The following MEIKIN variants were observed in gnomAD, a reference collection of about 807,000 sequenced individuals.
The protein encoded by MEIKIN is meiosis-specific kinetochore protein.
At chr5:131,820,636 C>T (rs1261062044) in intron 11 of MEIKIN, among the ~76,000 whole-genome samples, 1 of 152,154 alleles carries the variant, frequency 6.6e-6, no homozygotes, top group Admixed American at 6.5e-5. Context: ...AATTCAGTAG[C>T]AAAGCCATGA....
intron 9 of MEIKIN, among the ~76,000 whole-genome samples, chr5:131,877,202 T>A (rs1050711573): frequency 6.6e-6 from 1 of 152,104 alleles, no homozygotes; most frequent in African/African-American, 2.4e-5. Context: ...GAATTTTTTT[T>A]AATGATTAAA....
chr5:131,895,036 T>C (rs1751010105), intron 8 of MEIKIN, among the ~76,000 whole-genome samples: 1 of 152,016 alleles, frequency 6.6e-6, no homozygotes, highest in Non-Finnish European at 1.5e-5. Flanking sequence ...GGCTGTAGGT[T>C]TGTCATAAAT....
At chr5:131,938,210 A>C (rs568230175) in intron 4 of MEIKIN, among the ~76,000 whole-genome samples, 1 of 131,896 alleles carries the variant, frequency 7.6e-6, no homozygotes, top group South Asian at 2.4e-4. Context: ...TCTCTCACCT[A>C]GGCTAGAGTG....
chr5:131,904,575 C>T (rs189335832), intron 8 of MEIKIN, among the ~76,000 whole-genome samples: 17 of 152,318 alleles, frequency 1.1e-4, no homozygotes, highest in Admixed American at 9.8e-4. Flanking sequence ...GTATTAAAGA[C>T]AGTGTGGCGA....
chr5:131,870,356 T>C (rs1750465714), intron 9 of MEIKIN, among the ~76,000 whole-genome samples: 1 of 152,200 alleles, frequency 6.6e-6, no homozygotes, highest in South Asian at 2.1e-4. Flanking sequence ...TTGATTTCTA[T>C]GATACTATGT....
chr5:131,930,575 C>A (rs1006357243), intron 5 of MEIKIN, among the ~76,000 whole-genome samples: 1 of 152,236 alleles, frequency 6.6e-6, no homozygotes, highest in African/African-American at 2.4e-5. Flanking sequence ...CTCACTAATT[C>A]TTTATTCTTC....
chr5:131,887,372 G>A (rs534601406), intron 8 of MEIKIN, among the ~76,000 whole-genome samples: 4 of 152,130 alleles, frequency 2.6e-5, no homozygotes, highest in Non-Finnish European at 5.9e-5. Context: ...GGGACCACTG[G>A]GTCAAATGGT....
intron 4 of MEIKIN, among the ~76,000 whole-genome samples, chr5:131,937,719 C>T (rs925126500): frequency 6.6e-6 from 1 of 152,112 alleles, no homozygotes; most frequent in Non-Finnish European, 1.5e-5. Flanking sequence ...CCATGTTCTA[C>T]CTTCTGGAGT....
intron 12 of MEIKIN, among the ~76,000 whole-genome samples, chr5:131,814,601 A>G (rs977014660): frequency 6.6e-6 from 1 of 152,210 alleles, no homozygotes; most frequent in African/African-American, 2.4e-5. Flanking sequence ...TCAATGGGAA[A>G]AAAAAGAAAA....
intron 8 of MEIKIN, among the ~76,000 whole-genome samples, chr5:131,886,448 A>G (rs1174639126): frequency 6.6e-6 from 1 of 152,238 alleles, no homozygotes; most frequent in African/African-American, 2.4e-5. Context: ...ATGGAGCTTC[A>G]CTAGGAGCAG....
chr5:131,898,668 A>C (rs375691903), intron 8 of MEIKIN, among the ~76,000 whole-genome samples: 6 of 152,314 alleles, frequency 3.9e-5, no homozygotes, highest in African/African-American at 1.4e-4. Flanking sequence ...CCACCCTCAC[A>C]GGTCAATCTC....
intron 8 of MEIKIN, among the ~76,000 whole-genome samples, chr5:131,881,591 C>T (rs1472449001): frequency 2.9e-4 from 44 of 152,182 alleles, no homozygotes; most frequent in Non-Finnish European, 1.2e-4. Flanking sequence ...GTTCTCCAGA[C>T]TCCTGCATCA....
intron 12 of MEIKIN, among the ~76,000 whole-genome samples, chr5:131,814,330 G>A (rs1773060871): frequency 6.7e-6 from 1 of 149,332 alleles, no homozygotes; most frequent in Non-Finnish European, 1.5e-5. Context: ...AGGCTGCAGT[G>A]CAGTGGCGTG....
At chr5:131,922,433 T>C (rs1044476222) in intron 5 of MEIKIN, among the ~76,000 whole-genome samples, 3 of 152,050 alleles carry the variant, frequency 2.0e-5, no homozygotes, top group African/African-American at 7.2e-5. Flanking sequence ...ACTATTTACA[T>C]AGCATTTACA....
intron 11 of MEIKIN, among the ~76,000 whole-genome samples, chr5:131,841,118 C>T (rs1304232003): frequency 6.6e-6 from 1 of 152,080 alleles, no homozygotes; most frequent in Admixed American, 6.6e-5. Context: ...GGGGCCAAGT[C>T]TCAGCTCCCA....
At position 131,846,864 on chromosome 5, in the gene MEIKIN, A is replaced by G. The variant is rs183950891; in HGVS notation, c.975+4400T>C. ...GTTTTAAGGCACATGATGTATAAAAATGTTAACATCATCATCTGAAAGGGG... is the reference window on the plus strand; with the variant it reads ...GTTTTAAGGCACATGATGTATAAAAGTGTTAACATCATCATCTGAAAGGGG... On this transcript the variant is annotated intron_variant, in intron 11 of 12. Transcript: ENST00000442687. Among the ~76,000 whole-genome samples the G allele has an allele frequency of 2.8e-3, 366 of 129,762 alleles. 2 individuals are homozygous for G. Among genetic ancestry groups the G allele is most frequent in the South Asian group, 4.8e-3 (18 of 3,780 alleles). 85.1% of individuals were successfully genotyped at this position (129,762 alleles called of 152,430 possible). A position where few individuals can be genotyped will look rare whatever the true frequency, so the allele number is the denominator to read the frequency against.
intron 8 of MEIKIN, among the ~76,000 whole-genome samples, chr5:131,893,634 C>G (rs1750979431): frequency 6.6e-6 from 1 of 152,210 alleles, no homozygotes; most frequent in African/African-American, 2.4e-5. Flanking sequence ...GTGAGATGAA[C>G]CCGGTACCTC....
chr5:131,940,571 T>C (rs1023469086), intron 4 of MEIKIN, among the ~76,000 whole-genome samples: 1 of 152,228 alleles, frequency 6.6e-6, no homozygotes, highest in African/African-American at 2.4e-5. Flanking sequence ...CTTCAAAAGT[T>C]TGGATATTCC....
At chr5:131,838,846 A>G (rs1749856774) in intron 11 of MEIKIN, among the ~76,000 whole-genome samples, 1 of 151,758 alleles carries the variant, frequency 6.6e-6, no homozygotes, top group East Asian at 1.9e-4. Context: ...TCATGACTCA[A>G]TCTCCTTCAG....
Sources: gnomAD v4.1 joint callset for allele counts (sites outside exome capture counted in the v4.1 genomes callset) on GRCh38, gnomAD v4.1.1 for gene constraint, MANE v1.5 for transcripts, NCBI Gene and HGNC (gene_info 2026-07-23, HGNC 2026-07-21) for gene names.